DEFB4A: variants seen among roughly 807,000 people sequenced by gnomAD.
DEFB4A encodes the protein defensin beta 4A, also known as beta defensin-2.
rs149750095 is a variant in DEFB4A, at chr8:7,895,110, A to T, written c.58+340A>T. 5.4e-3 allele frequency among the ~76,000 whole-genome samples: 545 copies of T among 100,146 alleles called. 102 individuals are homozygous for T. The highest frequency in any genetic ancestry group is 0.02 in the African/African-American group (509 of 25,458). 65.7% of individuals were successfully genotyped at this position (100,146 alleles called of 152,430 possible). On this transcript the variant is annotated intron_variant, in intron 1 of 1. Coordinates refer to ENST00000302247, the MANE Select transcript of DEFB4A (RefSeq NM_004942.4). The stretch of plus-strand genomic sequence containing the variant: ...AAGGAGTTTGAGAACCCAATGGACA[A>T]CTCACTCGTTCTTCTAAGCCAATAT...
At position 7,895,798 on chromosome 8, in the gene DEFB4A, TG is replaced by T. The variant is rs1563476349; in HGVS notation, c.59-673del. On this transcript the variant is annotated intron_variant, in intron 1 of 1. Coordinates refer to ENST00000302247, the MANE Select transcript of DEFB4A (RefSeq NM_004942.4). The stretch of plus-strand genomic sequence containing the variant: ...GCAGGGAGGCAGGGAGGCAGGCTGG[TG>T]GGAGGGGGAGGGAGGGAGGGAGGGA... 2.5e-3 allele frequency among the ~76,000 whole-genome samples: 7 copies of T among 2,786 alleles called. 1 individual carries two copies. The highest frequency in any genetic ancestry group is 0.01 in the African/African-American group (7 of 676). 1.8% of individuals were successfully genotyped at this position (2,786 alleles called of 152,430 possible). A position where few individuals can be genotyped will look rare whatever the true frequency, so the allele number is the denominator to read the frequency against.
chr8:7,895,625 A>G (rs1240293092), intron 1 of DEFB4A, among the ~76,000 whole-genome samples: 1 of 71,424 alleles, frequency 1.4e-5, no homozygotes, highest in African/African-American at 5.5e-5. Context: ...TAAAACAATT[A>G]ATCTAATAGA....
rs1406589889 is a variant in DEFB4A at position 7,895,941 on chromosome 8, A to G, written c.59-533A>G. 5.0e-5 allele frequency among the ~76,000 whole-genome samples: 5 copies of G among 99,608 alleles called. 2 individuals carry two copies. Among genetic ancestry groups the G allele is most frequent in the African/African-American group, 1.8e-4 (5 of 27,538 alleles). The allele number at this position is 99,608 out of a possible 152,430, so 65.3% of individuals were successfully genotyped here. On this transcript the variant is annotated intron_variant, in intron 1 of 1. Coordinates refer to ENST00000302247, the MANE Select transcript of DEFB4A (RefSeq NM_004942.4). ...GATATTAGAAACAAGCCATTACAAA[A>G]TTTATTTCTATGGTTAATTGTGGTT...
intron 1 of DEFB4A, among the ~76,000 whole-genome samples, chr8:7,896,013 G>A (rs1819001663): frequency 9.6e-6 from 1 of 104,482 alleles, no homozygotes; most frequent in Admixed American, 9.4e-5. Context: ...AACAATTTCA[G>A]TAAGTTGCAT....
intron 1 of DEFB4A, among the ~76,000 whole-genome samples, chr8:7,895,741 C>T (rs1181113117): frequency 1.3e-5 from 1 of 74,652 alleles, no homozygotes; most frequent in African/African-American, 5.1e-5. Flanking sequence ...TTTTCCAAAA[C>T]CTAGAACAGT....
intron 1 of DEFB4A, among the ~76,000 whole-genome samples, chr8:7,895,140 G>A (rs527644171): frequency 9.9e-6 from 1 of 101,276 alleles, no homozygotes; most frequent in South Asian, 3.8e-4. Flanking sequence ...CAATATGAAG[G>A]AGCCCAGTAG....
At chr8:7,895,961 G>T (rs1819000895) in intron 1 of DEFB4A, among the ~76,000 whole-genome samples, 1 of 102,316 alleles carries the variant, frequency 9.8e-6, no homozygotes, top group Admixed American at 9.6e-5. Flanking sequence ...ATGGTTAATT[G>T]TGGTTTTCAA....
rs547115850 is a variant in DEFB4A at position 7,895,117 on chromosome 8, C to T, written c.58+347C>T. On this transcript the variant is annotated intron_variant, in intron 1 of 1. Coordinates refer to ENST00000302247, the MANE Select transcript of DEFB4A (RefSeq NM_004942.4). ...TTGAGAACCCAATGGACAACTCACT[C>T]GTTCTTCTAAGCCAATATGAAGGAG... 3.0e-5 allele frequency among the ~76,000 whole-genome samples: 3 copies of T among 101,350 alleles called. 1 individual carries two copies. The highest frequency in any genetic ancestry group is 1.9e-4 in the Admixed American group (2 of 10,300). The allele number at this position is 101,350 out of a possible 152,430, so 66.5% of individuals were successfully genotyped here. A position where few individuals can be genotyped will look rare whatever the true frequency, so the allele number is the denominator to read the frequency against.
intron 1 of DEFB4A, among the ~76,000 whole-genome samples, chr8:7,895,794 C>A (rs1408341522): frequency 5.9e-5 from 1 of 16,922 alleles, no homozygotes. Context: ...GGGAGGCAGG[C>A]TGGTGGGAGG....
rs1818987128 is a variant in DEFB4A, at chr8:7,895,142, G to A, written c.58+372G>A. On this transcript the variant is annotated intron_variant, in intron 1 of 1. Transcript: ENST00000302247. ...CGTTCTTCTAAGCCAATATGAAGGA[G>A]CCCAGTAGTTTGTAAATATCATCTC... is the stretch of plus-strand genomic sequence containing the variant. Among the ~76,000 whole-genome samples the A allele has an allele frequency of 2.0e-5, 2 of 101,448 alleles. 1 individual carries two copies. The highest frequency in any genetic ancestry group is 1.9e-4 in the Admixed American group (2 of 10,286). 66.6% of individuals were successfully genotyped at this position (101,448 alleles called of 152,430 possible). A position where few individuals can be genotyped will look rare whatever the true frequency, so the allele number is the denominator to read the frequency against.
rs1382542152 is a variant in DEFB4A at position 7,895,990 on chromosome 8, T to C, written c.59-484T>C. On this transcript the variant is annotated intron_variant, in intron 1 of 1. Coordinates refer to ENST00000302247, the MANE Select transcript of DEFB4A (RefSeq NM_004942.4). ...TTTTCAACTGTAAGTTACTTGGTGT[T>C]AATTTCCTATTAAACAATTTCAGTA... 1.8e-4 allele frequency among the ~76,000 whole-genome samples: 19 copies of C among 104,210 alleles called. 6 individuals are homozygous for C. The highest frequency in any genetic ancestry group is 6.5e-4 in the African/African-American group (19 of 29,064). The allele number at this position is 104,210 out of a possible 152,430, so 68.4% of individuals were successfully genotyped here. A position where few individuals can be genotyped will look rare whatever the true frequency, so the allele number is the denominator to read the frequency against.
At position 7,896,119 on chromosome 8, in the gene DEFB4A, T is replaced by C. The variant is rs1445520372; in HGVS notation, c.59-355T>C. ...TGTGTGTGTTAAAATGGAGGTATGGTGGCTTTGATATTATCTTCTTGTGGT... is the reference window on the plus strand; with the variant it reads ...TGTGTGTGTTAAAATGGAGGTATGGCGGCTTTGATATTATCTTCTTGTGGT... On this transcript the variant is annotated intron_variant, in intron 1 of 1. Transcript: ENST00000302247. 5.9e-5 allele frequency among the ~76,000 whole-genome samples: 6 copies of C among 102,192 alleles called. 1 individual carries two copies. Among genetic ancestry groups the C allele is most frequent in the African/African-American group, 2.1e-4 (6 of 28,752 alleles). The allele number at this position is 102,192 out of a possible 152,430, so 67.0% of individuals were successfully genotyped here. A position where few individuals can be genotyped will look rare whatever the true frequency, so the allele number is the denominator to read the frequency against.
At chr8:7,895,997 C>T (rs1420760895) in intron 1 of DEFB4A, among the ~76,000 whole-genome samples, 9 of 104,024 alleles carry the variant, frequency 8.7e-5, no homozygotes, top group African/African-American at 3.1e-4. Context: ...TGTTAATTTC[C>T]TATTAAACAA....
chr8:7,895,227 T>C (rs1818989046), intron 1 of DEFB4A, among the ~76,000 whole-genome samples: 1 of 101,786 alleles, frequency 9.8e-6, no homozygotes, highest in Non-Finnish European at 2.1e-5. Flanking sequence ...AGGTGACTTT[T>C]TAAATAAAAG....
In DEFB4A at chr8:7,896,047, A is replaced by G. The variant is rs1819002331; in HGVS notation, c.59-427A>G. 1.9e-5 allele frequency among the ~76,000 whole-genome samples: 2 copies of G among 103,592 alleles called. 1 individual carries two copies. The highest frequency in any genetic ancestry group is 4.3e-5 in the Non-Finnish European group (2 of 46,972). The allele number at this position is 103,592 out of a possible 152,430, so 68.0% of individuals were successfully genotyped here. On this transcript the variant is annotated intron_variant, in intron 1 of 1. Transcript: ENST00000302247. ...ATCTTTTTTATCCCATCTCAGATCA[A>G]ATACTTAACAGACTAAATGATTTGA...
chr8:7,895,135 T>C lies in DEFB4A; in HGVS notation c.58+365T>C, dbSNP rs1438819320. On this transcript the variant is annotated intron_variant, in intron 1 of 1. Coordinates refer to ENST00000302247, the MANE Select transcript of DEFB4A (RefSeq NM_004942.4). ...ACTCACTCGTTCTTCTAAGCCAATA[T>C]GAAGGAGCCCAGTAGTTTGTAAATA... Among the ~76,000 whole-genome samples the C allele has an allele frequency of 4.3e-4, 44 of 101,590 alleles. 12 individuals are homozygous for C. The highest frequency in any genetic ancestry group is 2.5e-4 in the Non-Finnish European group (12 of 47,702). 66.6% of individuals were successfully genotyped at this position (101,590 alleles called of 152,430 possible). A position where few individuals can be genotyped will look rare whatever the true frequency, so the allele number is the denominator to read the frequency against.
chr8:7,895,094 G>T (rs531887248), intron 1 of DEFB4A, among the ~76,000 whole-genome samples: 1 of 101,804 alleles, frequency 9.8e-6, no homozygotes, highest in East Asian at 3.9e-4. Context: ...AAAGGAGTTT[G>T]AGAACCCAAT....
In DEFB4A at chr8:7,895,781, G is replaced by A. The variant is rs1194398620; in HGVS notation, c.59-693G>A. Among the ~76,000 whole-genome samples, 2 of 47,124 alleles carry A rather than the reference G, an allele frequency of 4.2e-5. 1 individual carries two copies. The highest frequency in any genetic ancestry group is 2.3e-3 in the South Asian group (2 of 856). 30.9% of individuals were successfully genotyped at this position (47,124 alleles called of 152,430 possible). On this transcript the variant is annotated intron_variant, in intron 1 of 1. Transcript: ENST00000302247. ...TGAAGGAAGGCGGGGAGGCAGGGAG[G>A]CAGGGAGGCAGGCTGGTGGGAGGGG...
chr8:7,895,881 A>G (rs867886908), intron 1 of DEFB4A, among the ~76,000 whole-genome samples: 1 of 75,110 alleles, frequency 1.3e-5, no homozygotes, highest in Non-Finnish European at 2.7e-5. Flanking sequence ...GAGGGAGGGA[A>G]ACAAAAAGAA....
Sources: gnomAD v4.1 joint callset for allele counts (sites outside exome capture counted in the v4.1 genomes callset) on GRCh38, gnomAD v4.1.1 for gene constraint, MANE v1.5 for transcripts, NCBI Gene and HGNC (gene_info 2026-07-23, HGNC 2026-07-21) for gene names.